TANGO6: variants seen among roughly 807,000 people sequenced by gnomAD.
TANGO6 encodes transport and Golgi organization protein 6 homolog.
A neutral mutation model predicts 114.2 loss-of-function variants in TANGO6; 90 were observed. The ratio of observed to expected loss-of-function variants is 0.79; its 90% CI spans 0.66 to 0.94. The LOEUF is 0.94. Among genes scored for constraint, TANGO6 ranks in the 40% least tolerant of loss-of-function variants. The probability of loss-of-function intolerance (pLI) is 0.00; values close to 1 mark genes in which losing one functional copy is unlikely to be tolerated. For missense variants in TANGO6, 1,274 were observed against 1,315.3 expected (o/e 0.97, Z 0.49); for synonymous variants, 477 against 509.8 (o/e 0.94, Z 0.87).
In TANGO6 at chr16:69,084,414, C is replaced by T. The variant is rs992837508; in HGVS notation, c.*753C>T. 6.6e-6 allele frequency: 1 copy of T among 152,282 alleles called. No homozygotes were observed. Among genetic ancestry groups the T allele is most frequent in the Admixed American group, 6.5e-5 (1 of 15,268 alleles). 9.4% of individuals were successfully genotyped at this position (152,282 alleles called of 1,614,324 possible). On this transcript the variant is annotated 3_prime_UTR_variant, in exon 18 of 18. Transcript: ENST00000261778. ...TGCCCTGATTATCAGGAGAAAAGAACCACGAGCATCCAGAGAGTTTACATC... is the reference window on the plus strand; with the variant it reads ...TGCCCTGATTATCAGGAGAAAAGAATCACGAGCATCCAGAGAGTTTACATC...
chr16:68,963,369 G>A (rs1402066976), intron 14 of TANGO6, among the ~76,000 whole-genome samples: 1 of 152,050 alleles, frequency 6.6e-6, no homozygotes, highest in Non-Finnish European at 1.5e-5. Context: ...CGCCCACCTC[G>A]GCCTCCCAAA....
intron 1 of TANGO6, among the ~76,000 whole-genome samples, chr16:68,847,716 C>T (rs1367637108): frequency 6.6e-6 from 1 of 152,074 alleles, no homozygotes. Context: ...AAGAATATTG[C>T]AGGCTGAGCG....
chr16:68,971,101 G>A (rs772189047), intron 14 of TANGO6, among the ~76,000 whole-genome samples: 1 of 149,890 alleles, frequency 6.7e-6, no homozygotes, highest in African/African-American at 2.5e-5. Context: ...GCAGTGAGCC[G>A]AGATCAAGCC....
At position 68,969,360 on chromosome 16, in the gene TANGO6, A is replaced by T. The variant is rs576086896; in HGVS notation, c.2702-4668A>T. Among the ~76,000 whole-genome samples, 3 of 152,272 alleles carry T rather than the reference A, an allele frequency of 2.0e-5. No individual in the cohort carries two copies. The East Asian group carries it at 5.8e-4, about 29-fold the overall frequency. ...TTTTTCGAAATAAATAAAAACAAGC[A>T]CACAAAATCTCATCCCTTTCATTTT... On this transcript the variant is annotated intron_variant, in intron 14 of 17. Coordinates refer to ENST00000261778, the MANE Select transcript of TANGO6 (RefSeq NM_024562.2).
intron 17 of TANGO6, among the ~76,000 whole-genome samples, chr16:69,065,825 TC>T (rs1436977678): frequency 1.3e-5 from 2 of 152,318 alleles, no homozygotes; most frequent in South Asian, 2.1e-4. Context: ...GGCCCTAATT[TC>T]TTTTTCATAG....
chr16:68,995,114 A>G (rs1028358681), intron 15 of TANGO6, among the ~76,000 whole-genome samples: 6 of 152,154 alleles, frequency 3.9e-5, no homozygotes, highest in African/African-American at 1.4e-4. Flanking sequence ...CATGGTCCCA[A>G]TCTAAGCCTG....
intron 12 of TANGO6, among the ~76,000 whole-genome samples, chr16:68,927,313 A>ATATCTACATTT (rs1567541836): frequency 6.6e-6 from 1 of 152,234 alleles, no homozygotes; most frequent in Non-Finnish European, 1.5e-5. Context: ...AATAGTCATT[A>ATATCTACATTT]TATCACAAGG....
intron 14 of TANGO6, among the ~76,000 whole-genome samples, chr16:68,972,703 G>A (rs1963719210): frequency 6.6e-6 from 1 of 152,182 alleles, no homozygotes; most frequent in Non-Finnish European, 1.5e-5. Context: ...TTCCAAGGAG[G>A]AGAGCAGACA....
intron 1 of TANGO6, among the ~76,000 whole-genome samples, chr16:68,848,871 C>T (rs989325265): frequency 2.0e-5 from 3 of 152,008 alleles, no homozygotes; most frequent in Non-Finnish European, 4.4e-5. Flanking sequence ...TTCCGACTGG[C>T]TCTTGGGGTT....
chr16:68,866,941 A>T, intron 3 of TANGO6, 138 bp from the exon 4 acceptor site: 1 of 888,346 alleles, frequency 1.1e-6, no homozygotes, highest in Non-Finnish European at 1.6e-6. Flanking sequence ...ATCTCTAAAT[A>T]AATAAATAAG....
At position 69,083,357 on chromosome 16, in the gene TANGO6, C is replaced by T. The variant is rs906048698; in HGVS notation, c.3109-128C>T. ...TACAGGCATGAGCCACTGCACCCAG[C>T]CACATTATCTTCAGGAAGTCTGTGG... On this transcript the variant is annotated intron_variant, in intron 17 of 17. Transcript: ENST00000261778. The T allele has an allele frequency of 2.5e-6, 3 of 1,218,986 alleles. No individual in the cohort carries two copies. The African/African-American group carries it at 4.6e-5, about 19-fold the overall frequency. The allele number at this position is 1,218,986 out of a possible 1,614,324, so 75.5% of individuals were successfully genotyped here. A position where few individuals can be genotyped will look rare whatever the true frequency, so the allele number is the denominator to read the frequency against.
At chr16:68,926,877 G>C (rs1963173761) in intron 12 of TANGO6, 1 of 152,326 alleles carries the variant, frequency 6.6e-6, no homozygotes, top group Non-Finnish European at 1.5e-5. Flanking sequence ...TACACCTTTT[G>C]GGTGGCAGTG....
chr16:69,009,267 G>A (rs912277330), intron 15 of TANGO6, among the ~76,000 whole-genome samples: 1 of 151,662 alleles, frequency 6.6e-6, no homozygotes, highest in African/African-American at 2.4e-5. Context: ...CTTTAGTAGA[G>A]ACGGGGTTTC....
intron 7 of TANGO6, among the ~76,000 whole-genome samples, chr16:68,887,000 G>A (rs1181085561): frequency 2.0e-5 from 3 of 151,262 alleles, no homozygotes; most frequent in Non-Finnish European, 2.9e-5. Flanking sequence ...TAGAGATGGG[G>A]TTTTACTATG....
chr16:68,953,050 T>TTTA (rs71383944), intron 14 of TANGO6, among the ~76,000 whole-genome samples: 6,843 of 139,104 alleles, frequency 0.049, 224 homozygotes, highest in African/African-American at 0.084. Context: ...ACAGGTATTT[T>TTTA]TTATTATTAT....
intron 1 of TANGO6, among the ~76,000 whole-genome samples, chr16:68,845,190 A>T (rs1035683854): frequency 1.3e-5 from 2 of 151,788 alleles, no homozygotes; most frequent in African/African-American, 4.8e-5. Context: ...CTGGTCTCGA[A>T]CTCCTGACCT....
intron 14 of TANGO6, among the ~76,000 whole-genome samples, chr16:68,945,042 G>A (rs1301157120): frequency 2.0e-5 from 3 of 152,202 alleles, no homozygotes; most frequent in Non-Finnish European, 2.9e-5. Context: ...AGCTACTCTG[G>A]AGGCAGGAGA....
chr16:69,077,800 A>G (rs373406540), intron 17 of TANGO6, among the ~76,000 whole-genome samples: 1 of 152,242 alleles, frequency 6.6e-6, no homozygotes, highest in African/African-American at 2.4e-5. Flanking sequence ...ACTGCACTCA[A>G]GCCTGGGCAA....
chr16:69,009,803 A>G (rs1964129353), intron 15 of TANGO6, among the ~76,000 whole-genome samples: 2 of 152,050 alleles, frequency 1.3e-5, no homozygotes, highest in African/African-American at 4.8e-5. Flanking sequence ...TTGCAAATGG[A>G]ATTATTTTCT....
Sources: gnomAD v4.1 joint callset for allele counts (sites outside exome capture counted in the v4.1 genomes callset) on GRCh38, gnomAD v4.1.1 for gene constraint, MANE v1.5 for transcripts, NCBI Gene and HGNC (gene_info 2026-07-23, HGNC 2026-07-21) for gene names.